Variants in ARV1 observed in about 807,000 individuals in gnomAD.
ARV1 encodes the protein ARV1 fatty acid homeostasis modulator, also known as protein ARV1.
Under a neutral mutation model 31.1 loss-of-function variants are expected in ARV1, and 26 were observed. The ratio of observed to expected loss-of-function variants is 0.84; its 90% CI spans 0.61 to 1.16. The LOEUF is 1.16. Ranked by LOEUF, ARV1 falls within the 50% of genes most tolerant of loss-of-function variation. The pLI is 0.00. For synonymous variants in ARV1, 117 were observed against 123.2 expected (o/e 0.95, Z 0.34); for missense variants, 281 against 324.9 (o/e 0.86, Z 1.04).
At chr1:230,979,326 G>A (rs375847427) in intron 1 of ARV1, 47 bp downstream of exon 1, 2 of 1,604,798 alleles carry the variant, frequency 1.2e-6, no homozygotes, top group Admixed American at 1.7e-5. Context: ...ATGGCGCGGC[G>A]GGATTTGGGG....
chr1:230,980,463 A>G (rs1455836687), intron 1 of ARV1, among the ~76,000 whole-genome samples: 5 of 151,906 alleles, frequency 3.3e-5, no homozygotes, highest in East Asian at 3.9e-4. Flanking sequence ...CAGCCTCCCA[A>G]GTAGCTGGGA....
Position 230,997,164 on chromosome 1 carries a change from G to C in ARV1, c.717G>C (p.Leu239Phe). Residue 239 changes from leucine (L) to phenylalanine (F), a missense_variant, in exon 5 of 6, where the codon TTG (leucine) becomes TTC (phenylalanine). By Grantham distance (22) the Leu-to-Phe change is conservative. Coordinates refer to ENST00000310256, the MANE Select transcript of ARV1 (RefSeq NM_022786.3). ...GTAAGCTCTCCTTCTTGGCCGTGTT[G>C]AGTGGCTTACTGCTGGAAAGCATCA... ...INRKLSFLAV[L>F]SGLLLESIMV... 2 of 1,614,100 alleles carry C rather than the reference G, an allele frequency of 1.2e-6. No individual in the cohort carries two copies. The highest frequency in any genetic ancestry group is 1.7e-6 in the Non-Finnish European group (2 of 1,179,986).
At chr1:230,999,516 C>T (rs755722815) in intron 5 of ARV1, 9 of 152,164 alleles carry the variant, frequency 5.9e-5, no homozygotes, top group African/African-American at 1.7e-4. Context: ...TAGTGTGGCC[C>T]TCTGTAATGT....
At chr1:230,994,642 C>T (rs1009430978) in intron 3 of ARV1, among the ~76,000 whole-genome samples, 2 of 151,484 alleles carry the variant, frequency 1.3e-5, no homozygotes, top group Non-Finnish European at 2.9e-5. Flanking sequence ...CCCGGGTTCA[C>T]GCCATTCTCC....
rs150085668 is a variant in ARV1, at chr1:230,986,074, G to A, written c.175-2246G>A. 3.9e-3 allele frequency among the ~76,000 whole-genome samples: 582 copies of A among 148,586 alleles called. 4 individuals carry two copies. The highest frequency in any genetic ancestry group is 0.012 in the African/African-American group (485 of 40,398). On this transcript the variant is annotated intron_variant, in intron 1 of 5. Transcript: ENST00000310256. ...TGGGACTACAGGCACCTGCCACCACGCCCTCCTAATCTTTTTGTATTTTTT... is the reference window on the plus strand; with the variant it reads ...TGGGACTACAGGCACCTGCCACCACACCCTCCTAATCTTTTTGTATTTTTT...
intron 2 of ARV1, among the ~76,000 whole-genome samples, chr1:230,989,296 C>T (rs1679169897): frequency 6.6e-6 from 1 of 152,108 alleles, no homozygotes; most frequent in South Asian, 2.1e-4. Flanking sequence ...CATCACCAAG[C>T]CCAGCTAATT....
At chr1:230,984,353 TGTGTGTGTGC>T (rs1273740076) in intron 1 of ARV1, among the ~76,000 whole-genome samples, 8 of 72,976 alleles carry the variant, frequency 1.1e-4, no homozygotes, top group South Asian at 6.4e-4. Flanking sequence ...CGTGTGTGTG[TGTGTGTGTGC>T]GTGTGTGTGT....
At chr1:230,986,666 CTATTTTTTTTTTTTTT>C (rs1679081536) in intron 1 of ARV1, among the ~76,000 whole-genome samples, 2 of 79,690 alleles carry the variant, frequency 2.5e-5, no homozygotes, top group Non-Finnish European at 5.0e-5. Context: ...AATACTTTTC[CTATTTTTTTTTTTTTT>C]TTTTTTTTTT....
At chr1:230,980,141 A>C (rs10864645) in intron 1 of ARV1, among the ~76,000 whole-genome samples, 65,153 of 151,852 alleles carry the variant, frequency 0.43, 14,325 homozygotes, top group South Asian at 0.67. Flanking sequence ...GATGCATACA[A>C]CCTCAATTTC....
chr1:230,994,540 AT>A (rs34618657), intron 3 of ARV1, among the ~76,000 whole-genome samples: 24,218 of 133,774 alleles, frequency 0.18, 1,467 homozygotes, highest in South Asian at 0.3. Flanking sequence ...AACCATCCTA[AT>A]TTTTTTTTTT....
chr1:230,988,777 A>G (rs1679148825), intron 2 of ARV1, among the ~76,000 whole-genome samples: 1 of 152,252 alleles, frequency 6.6e-6, no homozygotes. Flanking sequence ...AATTATACCT[A>G]AATGAGTTAA....
In ARV1 at chr1:230,986,385, G is replaced by A. The variant is rs7553257; in HGVS notation, c.175-1935G>A. Among the ~76,000 whole-genome samples the A allele has an allele frequency of 6.1e-3, 935 of 152,182 alleles. 7 individuals are homozygous for A. The highest frequency in any genetic ancestry group is 0.021 in the African/African-American group (876 of 41,534). On this transcript the variant is annotated intron_variant, in intron 1 of 5. Coordinates refer to ENST00000310256, the MANE Select transcript of ARV1 (RefSeq NM_022786.3). ...TTTATTACATTTGAATTGCAGGGTC[G>A]GTATTCTTCAGTGCCCTTCATTTTT... is the stretch of plus-strand genomic sequence containing the variant.
rs1203176353 is a variant in ARV1, at chr1:230,979,277, T to A, written c.172T>A (p.Cys58Ser). 1 of 1,613,338 alleles carries A rather than the reference T, an allele frequency of 6.2e-7. No homozygotes were observed. The highest frequency in any genetic ancestry group is 1.3e-5 in the African/African-American group (1 of 74,814). Reference protein sequence around the residue: ...YNHGVLKITICKSCQKPVDKY... With the variant: ...YNHGVLKITISKSCQKPVDKY... ...CCACGGTGTGCTGAAGATAACCATC[T>A]GTGTGAGTTGTCAGGTGTGGGGTGC... is the stretch of plus-strand genomic sequence containing the variant. Residue 58 changes from cysteine to serine, a missense_variant and splice_region_variant, in exon 1 of 6, where the codon TGT (cysteine) becomes AGT (serine). Cys to Ser is a moderately radical substitution (Grantham distance 112, BLOSUM62 -1). Coordinates refer to ENST00000310256, the MANE Select transcript of ARV1 (RefSeq NM_022786.3).
At chr1:230,991,977 C>T (rs1180741975) in intron 3 of ARV1, among the ~76,000 whole-genome samples, 1 of 152,194 alleles carries the variant, frequency 6.6e-6, no homozygotes, top group African/African-American at 2.4e-5. Flanking sequence ...CCACGGCTGC[C>T]ACACTGTTGC....
intron 1 of ARV1, among the ~76,000 whole-genome samples, chr1:230,980,390 G>A (rs1424331729): frequency 6.6e-6 from 1 of 151,760 alleles, no homozygotes; most frequent in East Asian, 1.9e-4. Context: ...AGGCTGGAGT[G>A]CAGTGGGGCA....
intron 3 of ARV1, among the ~76,000 whole-genome samples, chr1:230,993,275 A>C (rs982729433): frequency 7.2e-5 from 11 of 151,980 alleles, no homozygotes; most frequent in South Asian, 6.2e-4. Flanking sequence ...AAAAAAATTT[A>C]TGTAAAGGCA....
chr1:230,994,449 T>C (rs1679308315), intron 3 of ARV1, among the ~76,000 whole-genome samples: 1 of 152,232 alleles, frequency 6.6e-6, no homozygotes, highest in African/African-American at 2.4e-5. Flanking sequence ...GAGTACATTC[T>C]TGTAGCTGAC....
At chr1:230,980,934 G>A (rs1044476384) in intron 1 of ARV1, among the ~76,000 whole-genome samples, 2 of 152,060 alleles carry the variant, frequency 1.3e-5, no homozygotes, top group African/African-American at 2.4e-5. Flanking sequence ...ATTCCCACCC[G>A]CATTTCATTA....
rs181623956 is a variant in ARV1, at chr1:230,984,342, T to C, written c.175-3978T>C. ...TTTGGGATGTCTACATTTGTTTGTT[T>C]CGTGTGTGTGTGTGTGTGTGCGTGT... On this transcript the variant is annotated intron_variant, in intron 1 of 5. Transcript: ENST00000310256. Among the ~76,000 whole-genome samples, 240 of 85,172 alleles carry C rather than the reference T, an allele frequency of 2.8e-3. 3 individuals carry two copies. Among genetic ancestry groups the C allele is most frequent in the African/African-American group, 0.01 (226 of 22,170 alleles). The allele number at this position is 85,172 out of a possible 152,430, so 55.9% of individuals were successfully genotyped here. A position where few individuals can be genotyped will look rare whatever the true frequency, so the allele number is the denominator to read the frequency against.
Sources: allele counts gnomAD v4.1 joint callset (sites outside exome capture counted in the v4.1 genomes callset), GRCh38; gene constraint gnomAD v4.1.1; transcripts MANE v1.5; gene names NCBI Gene and HGNC (gene_info 2026-07-23, HGNC 2026-07-21).